LMTK2: variants seen among roughly 807,000 people sequenced by gnomAD.
The protein encoded by LMTK2 is serine/threonine-protein kinase LMTK2.
A neutral mutation model predicts 127.5 loss-of-function variants in LMTK2; 37 were observed. The ratio of observed to expected loss-of-function variants is 0.29; its 90% CI spans 0.22 to 0.38. LMTK2 has a LOEUF of 0.38. Among genes scored for constraint, LMTK2 ranks in the 10% least tolerant of loss-of-function variants. LMTK2 has a pLI of 1.00. For missense variants in LMTK2, 1,694 were observed against 1,920.3 expected (o/e 0.88, Z 2.20); for synonymous variants, 819 against 810.1 (o/e 1.01, Z -0.19).
rs779590981 is a variant in LMTK2 at position 98,171,508 on chromosome 7, C to T, written c.658-33C>T. ...AAGCGCTCACTTTATTCCTGTGGCT[C>T]GTTTGGAAACTCACACGGGCTGACT... On this transcript the variant is annotated intron_variant, in intron 6 of 13. Coordinates refer to ENST00000297293, the MANE Select transcript of LMTK2 (RefSeq NM_014916.4). This position sits in a 1 kb window ranked among gnomAD's most constrained non-coding sequence, Gnocchi z 5.1. 9.3e-6 allele frequency: 15 copies of T among 1,613,850 alleles called. No homozygotes were observed. The highest frequency in any genetic ancestry group is 1.3e-5 in the African/African-American group (1 of 75,070).
At position 98,208,144 on chromosome 7, in the gene LMTK2, C is replaced by G. The variant is rs1584307353; in HGVS notation, c.*2652C>G. ...ACAATTTTTTTCATAACATAATTCC[C>G]ATTTTTATTTATTTTGAGTCACTCA... On this transcript the variant is annotated 3_prime_UTR_variant, in exon 14 of 14. Coordinates refer to ENST00000297293, the MANE Select transcript of LMTK2 (RefSeq NM_014916.4). 1 of 151,968 alleles carries G rather than the reference C, an allele frequency of 6.6e-6. No individual in the cohort carries two copies. Among genetic ancestry groups the G allele is most frequent in the South Asian group, 2.1e-4 (1 of 4,814 alleles). 9.4% of individuals were successfully genotyped at this position (151,968 alleles called of 1,614,324 possible). A position where few individuals can be genotyped will look rare whatever the true frequency, so the allele number is the denominator to read the frequency against.
intron 9 of LMTK2, among the ~76,000 whole-genome samples, chr7:98,187,802 G>A (rs990690904): frequency 6.6e-6 from 1 of 151,972 alleles, no homozygotes; most frequent in Non-Finnish European, 1.5e-5. Flanking sequence ...ATGGAGTTTT[G>A]CCATGGCTGG....
chr7:98,132,957 T>C (rs1796544109), intron 1 of LMTK2, among the ~76,000 whole-genome samples: 2 of 152,230 alleles, frequency 1.3e-5, no homozygotes, highest in South Asian at 4.1e-4. Flanking sequence ...ACTGAGAAAT[T>C]GCATTCTCCA....
At position 98,203,669 on chromosome 7, in the gene LMTK2, C is replaced by T; in HGVS notation, c.4203C>T (p.Ser1401=). 1 of 1,613,860 alleles carries T rather than the reference C, an allele frequency of 6.2e-7. No individual in the cohort carries two copies. The highest frequency in any genetic ancestry group is 8.5e-7 in the Non-Finnish European group (1 of 1,179,928). The change falls in exon 12 of 14, where the codon AGC becomes AGT. Residue 1401 remains serine, a synonymous_variant. Transcript: ENST00000297293. ...CAGCCTCAGGCTCTCCCTACCTGAG[C>T]AGGTGCATCAACTCCGAAAGCTCCA... ...PAPASGSPYL[S]RCINSESSTD...
chr7:98,154,666 C>A, intron 4 of LMTK2, 92 bp from the exon 5 acceptor site: 1 of 788,268 alleles, frequency 1.3e-6, no homozygotes, highest in Admixed American at 2.2e-5. Context: ...TATTGCTTAA[C>A]TTGTTCACCT....
chr7:98,134,554 C>G (rs1796571126), intron 1 of LMTK2, among the ~76,000 whole-genome samples: 1 of 152,054 alleles, frequency 6.6e-6, no homozygotes, highest in African/African-American at 2.4e-5. Context: ...GTGGCTCATG[C>G]CTGTAATCCC....
chr7:98,168,701 C>G (rs955270227), intron 6 of LMTK2, among the ~76,000 whole-genome samples: 23 of 152,096 alleles, frequency 1.5e-4, no homozygotes, highest in Non-Finnish European at 1.3e-4. Context: ...AGCGGGCTTG[C>G]GAGGAACCTA....
chr7:98,131,409 T>C (rs142234436), intron 1 of LMTK2, among the ~76,000 whole-genome samples: 17 of 152,320 alleles, frequency 1.1e-4, no homozygotes, highest in African/African-American at 3.8e-4. Flanking sequence ...CCTAGGCTTT[T>C]CTCCCCAAGT....
At chr7:98,203,068 C>T (rs1457765457) in intron 11 of LMTK2, among the ~76,000 whole-genome samples, 1 of 152,182 alleles carries the variant, frequency 6.6e-6, no homozygotes, top group African/African-American at 2.4e-5. Context: ...GCTGTTGCCC[C>T]AGGATTGCTT....
rs1466742666 is a variant in LMTK2 at position 98,192,867 on chromosome 7, A to C, written c.2402A>C (p.Asp801Ala). The C allele has an allele frequency of 1.5e-5, 24 of 1,613,964 alleles. No homozygotes were observed. In the Admixed American group the frequency reaches 4.0e-4, roughly 27 times the overall value. The part of the protein sequence containing the change: ...GDDTDVMLTG[D>A]TLSTSLQSSP... ...GATACAGATGTCATGCTCACAGGTGACACTTTGAGCACCTCATTGCAGTCT... is the reference window on the plus strand; with the variant it reads ...GATACAGATGTCATGCTCACAGGTGCCACTTTGAGCACCTCATTGCAGTCT... The change falls in exon 11 of 14, where the codon GAC (aspartate) becomes GCC (alanine). Residue 801 changes from aspartate to alanine, a missense_variant. Coordinates refer to ENST00000297293, the MANE Select transcript of LMTK2 (RefSeq NM_014916.4).
At chr7:98,151,698 G>T (rs113455931) in intron 4 of LMTK2, among the ~76,000 whole-genome samples, 3,405 of 152,314 alleles carry the variant, frequency 0.022, 116 homozygotes, top group African/African-American at 0.077. Context: ...TCATAAACTG[G>T]GTGGCTTATA....
intron 11 of LMTK2, among the ~76,000 whole-genome samples, chr7:98,201,593 G>GTT (rs1797704581): frequency 7.8e-6 from 1 of 128,886 alleles, no homozygotes; most frequent in Non-Finnish European, 1.8e-5. Flanking sequence ...GGATTTCTTC[G>GTT]TGTGTGTGTT....
At position 98,159,376 on chromosome 7, in the gene LMTK2, A is replaced by G; in HGVS notation, c.608A>G (p.Gln203Arg). Residue 203 changes from glutamine to arginine, a missense_variant, in exon 6 of 14, where the codon CAG (glutamine) becomes CGG (arginine). Transcript: ENST00000297293. ...QHPNILQCVG[Q>R]CVEAIPYLLV... ...CCAAATATTCTTCAGTGTGTTGGAC[A>G]GTGCGTAGAAGCGATTCCCTACCTC... 1 of 1,612,304 alleles carries G rather than the reference A, an allele frequency of 6.2e-7. No individual in the cohort carries two copies. The highest frequency in any genetic ancestry group is 1.1e-5 in the South Asian group (1 of 90,762).
intron 1 of LMTK2, among the ~76,000 whole-genome samples, chr7:98,108,927 A>G (rs538680441): frequency 3.6e-5 from 5 of 137,720 alleles, no homozygotes; most frequent in Non-Finnish European, 6.0e-5. Context: ...CATCGGTGCG[A>G]TATCAGCTGA....
At chr7:98,117,957 A>G (rs1796311042) in intron 1 of LMTK2, among the ~76,000 whole-genome samples, 1 of 152,114 alleles carries the variant, frequency 6.6e-6, no homozygotes, top group African/African-American at 2.4e-5. Flanking sequence ...ACAGAGTGAG[A>G]TTGTCTCAAA....
In LMTK2 at chr7:98,113,477, T is replaced by C. The variant is rs571309688; in HGVS notation, c.103+6197T>C. ...CGTCTCACTGTGTTGCCCAGGCTGG[T>C]CTCAAATTCCTGGCCTCAAGTGATC... On this transcript the variant is annotated intron_variant, in intron 1 of 13. Transcript: ENST00000297293. 2.0e-5 allele frequency among the ~76,000 whole-genome samples: 3 copies of C among 151,864 alleles called. No homozygotes were observed. The East Asian group carries it at 5.9e-4, about 30-fold the overall frequency.
At chr7:98,182,381 C>T (rs775510194) in intron 7 of LMTK2, among the ~76,000 whole-genome samples, 3 of 152,136 alleles carry the variant, frequency 2.0e-5, no homozygotes, top group Non-Finnish European at 4.4e-5. Flanking sequence ...AGAATTCGTG[C>T]AACTCAACAA....
chr7:98,128,199 A>G (rs964775444), intron 1 of LMTK2, among the ~76,000 whole-genome samples: 4 of 152,212 alleles, frequency 2.6e-5, no homozygotes, highest in Non-Finnish European at 5.9e-5. Context: ...TAGTAAATTG[A>G]CACAGTGCTA....
chr7:98,174,080 A>G (rs1374923752), intron 7 of LMTK2, among the ~76,000 whole-genome samples: 3 of 146,194 alleles, frequency 2.1e-5, no homozygotes, highest in Admixed American at 1.4e-4. Context: ...CCTTGAAACC[A>G]TTGACAGCTG....
Sources: gnomAD v4.1 joint callset for allele counts (sites outside exome capture counted in the v4.1 genomes callset) on GRCh38, gnomAD v4.1.1 for gene constraint, Gnocchi (gnomAD v3.1) non-coding constraint, MANE v1.5 for transcripts, NCBI Gene and HGNC (gene_info 2026-07-23, HGNC 2026-07-21) for gene names.